Variants in MARCHF11 observed in about 807,000 individuals in gnomAD.
MARCHF11 encodes membrane associated ring-CH-type finger 11, also known as E3 ubiquitin-protein ligase MARCHF11.
In MARCHF11, 29 loss-of-function variants were observed where a neutral mutation model predicts 37.3. That is an observed-to-expected ratio of 0.78 (90% CI 0.58 to 1.06). The LOEUF (loss-of-function observed/expected upper bound fraction) is 1.06, where lower values mean the gene tolerates loss of function less well. Ranked by LOEUF, MARCHF11 falls within the 50% of genes least tolerant of loss-of-function variation. The pLI is 0.00. For missense variants in MARCHF11, 482 were observed against 533.4 expected (o/e 0.90, Z 0.95); for synonymous variants, 233 against 228.0 (o/e 1.02, Z -0.20).
chr5:16,125,645 G>C (rs967965685), intron 2 of MARCHF11, among the ~76,000 whole-genome samples: 1 of 142,840 alleles, frequency 7.0e-6, no homozygotes, highest in South Asian at 2.1e-4. Context: ...GTGTGTGTGT[G>C]TGTGTGTGTG....
chr5:16,071,826 G>C (rs191898415), intron 3 of MARCHF11, among the ~76,000 whole-genome samples: 26 of 152,234 alleles, frequency 1.7e-4, no homozygotes, highest in Non-Finnish European at 3.2e-4. Context: ...TTGTTTTTCT[G>C]ATTCATAAGA....
intron 2 of MARCHF11, among the ~76,000 whole-genome samples, chr5:16,117,473 C>A (rs1178706268): frequency 6.6e-6 from 1 of 152,172 alleles, no homozygotes; most frequent in African/African-American, 2.4e-5. Flanking sequence ...TCATTTACAC[C>A]TCTGGAGAAA....
intron 2 of MARCHF11, among the ~76,000 whole-genome samples, chr5:16,105,276 T>C (rs754953040): frequency 2.6e-5 from 4 of 152,220 alleles, no homozygotes; most frequent in Admixed American, 1.3e-4. Flanking sequence ...TGGCAGCTCA[T>C]TAATCCTCAG....
intron 2 of MARCHF11, among the ~76,000 whole-genome samples, chr5:16,093,465 G>A (rs1161814481): frequency 6.6e-6 from 1 of 152,144 alleles, no homozygotes; most frequent in East Asian, 1.9e-4. Flanking sequence ...GATTTGGCAG[G>A]ATGGAAGTGA....
chr5:16,150,383 A>T (rs1052557069), intron 2 of MARCHF11, among the ~76,000 whole-genome samples: 1 of 149,170 alleles, frequency 6.7e-6, no homozygotes, highest in Non-Finnish European at 1.5e-5. Context: ...GCCTACCTAA[A>T]TCCAAAAATC....
intron 2 of MARCHF11, among the ~76,000 whole-genome samples, chr5:16,153,276 A>C (rs1459538256): frequency 6.6e-6 from 1 of 152,056 alleles, no homozygotes; most frequent in Non-Finnish European, 1.5e-5. Flanking sequence ...ATGAGAAAAA[A>C]GTGCTTCCAG....
intron 2 of MARCHF11, among the ~76,000 whole-genome samples, chr5:16,117,935 G>A (rs953395193): frequency 7.9e-5 from 12 of 152,290 alleles, no homozygotes; most frequent in Admixed American, 3.3e-4. Context: ...ACTCTACATC[G>A]TGACAAGTTT....
At chr5:16,172,651 T>C (rs1738289522) in intron 2 of MARCHF11, among the ~76,000 whole-genome samples, 1 of 152,240 alleles carries the variant, frequency 6.6e-6, no homozygotes. Flanking sequence ...TGATACATTT[T>C]CAAAACCAAA....
chr5:16,108,276 G>T (rs1213947950), intron 2 of MARCHF11, among the ~76,000 whole-genome samples: 1 of 152,130 alleles, frequency 6.6e-6, no homozygotes, highest in Non-Finnish European at 1.5e-5. Flanking sequence ...ACTCACCCAG[G>T]CTCCAACACC....
At chr5:16,141,980 G>C (rs966510793) in intron 2 of MARCHF11, among the ~76,000 whole-genome samples, 1 of 152,114 alleles carries the variant, frequency 6.6e-6, no homozygotes, top group Admixed American at 6.5e-5. Context: ...TTCAAACAAA[G>C]ATTTTAAAGG....
At chr5:16,159,622 C>T (rs998031907) in intron 2 of MARCHF11, among the ~76,000 whole-genome samples, 1 of 151,738 alleles carries the variant, frequency 6.6e-6, no homozygotes, top group Admixed American at 6.6e-5. Flanking sequence ...ATTGTATTTC[C>T]CATTTAGAAA....
At chr5:16,169,601 A>T (rs1236567600) in intron 2 of MARCHF11, among the ~76,000 whole-genome samples, 3 of 152,132 alleles carry the variant, frequency 2.0e-5, no homozygotes, top group Non-Finnish European at 2.9e-5. Context: ...CTTATCATAT[A>T]ACAGGTTCCA....
intron 3 of MARCHF11, among the ~76,000 whole-genome samples, chr5:16,072,462 C>T (rs1024971029): frequency 2.0e-5 from 3 of 151,734 alleles, no homozygotes; most frequent in African/African-American, 4.8e-5. Flanking sequence ...GGGATTAATG[C>T]CCTTACTACA....
intron 2 of MARCHF11, among the ~76,000 whole-genome samples, chr5:16,126,025 A>G (rs1329214003): frequency 3.3e-5 from 5 of 152,196 alleles, no homozygotes; most frequent in Non-Finnish European, 5.9e-5. Context: ...ATAAGTGTTC[A>G]CTGTAAGGGA....
rs1349911375 is a variant in MARCHF11, at chr5:16,111,834, C to G, written c.694-20753G>C. On this transcript the variant is annotated intron_variant, in intron 2 of 3. Transcript: ENST00000332432. ...GTTTCCTGGGCCAGGCCTAAGACCCCCATGATGTGTGCAGTCTAGGGACTT... is the reference window on the plus strand; with the variant it reads ...GTTTCCTGGGCCAGGCCTAAGACCCGCATGATGTGTGCAGTCTAGGGACTT... Among the ~76,000 whole-genome samples the G allele has an allele frequency of 3.9e-5, 6 of 152,170 alleles. No homozygotes were observed. In the East Asian group the frequency reaches 7.7e-4, roughly 20 times the overall value.
At chr5:16,156,188 G>A (rs980389066) in intron 2 of MARCHF11, among the ~76,000 whole-genome samples, 5 of 151,800 alleles carry the variant, frequency 3.3e-5, no homozygotes, top group East Asian at 3.9e-4. Flanking sequence ...TAATCTCTGC[G>A]AGATCACTTT....
chr5:16,166,051 C>G (rs1738163876), intron 2 of MARCHF11, among the ~76,000 whole-genome samples: 1 of 152,028 alleles, frequency 6.6e-6, no homozygotes, highest in Non-Finnish European at 1.5e-5. Context: ...TGGTGTTCAC[C>G]TACAGATTTT....
At chr5:16,133,591 A>G (rs1419748992) in intron 2 of MARCHF11, among the ~76,000 whole-genome samples, 1 of 152,182 alleles carries the variant, frequency 6.6e-6, no homozygotes. Flanking sequence ...ACTAACTTAC[A>G]TAAATAGAAA....
chr5:16,083,901 C>T (rs1267636174), intron 3 of MARCHF11, among the ~76,000 whole-genome samples: 1 of 152,184 alleles, frequency 6.6e-6, no homozygotes, highest in African/African-American at 2.4e-5. Flanking sequence ...GGAAGCAACA[C>T]TGGTTTTAAA....
Sources: allele counts gnomAD v4.1 joint callset (sites outside exome capture counted in the v4.1 genomes callset), GRCh38; gene constraint gnomAD v4.1.1; transcripts MANE v1.5; gene names NCBI Gene and HGNC (gene_info 2026-07-23, HGNC 2026-07-21).